The following ACER3 variants were observed in gnomAD, a reference collection of about 807,000 sequenced individuals.
The protein encoded by ACER3 is alkCDase 3.
Under a neutral mutation model 48.9 loss-of-function variants are expected in ACER3, and 16 were observed. The ratio of observed to expected loss-of-function variants is 0.33; its 90% CI spans 0.22 to 0.50. The LOEUF is 0.50. Ranked by LOEUF, ACER3 falls within the 20% of genes least tolerant of loss-of-function variation. The probability of loss-of-function intolerance (pLI) is 0.98; values close to 1 mark genes in which losing one functional copy is unlikely to be tolerated. For missense variants in ACER3, 227 were observed against 326.0 expected, an observed-to-expected ratio of 0.70 and a Z score of 2.34; for synonymous variants, 109 against 107.8, an observed-to-expected ratio of 1.01 and a Z score of -0.07.
intron 5 of ACER3, among the ~76,000 whole-genome samples, chr11:76,989,980 G>T (rs1948765100): frequency 6.6e-6 from 1 of 152,222 alleles, no homozygotes; most frequent in Non-Finnish European, 1.5e-5. Context: ...GAAAGCATAA[G>T]AAATTTGTTT....
Position 77,000,094 on chromosome 11 carries a change from G to T in ACER3, c.497+1273G>T, listed in dbSNP as rs187281571. Among the ~76,000 whole-genome samples the T allele has an allele frequency of 2.6e-5, 4 of 152,238 alleles. No homozygotes were observed. In the East Asian group the frequency reaches 7.7e-4, roughly 29 times the overall value. On this transcript the variant is annotated intron_variant, in intron 7 of 10. Transcript: ENST00000532485. ...CCACCAGCAATATATGTGTGATCCAGTTTCTTTGCATCCTCACCAGAATTT... is the reference window on the plus strand; with the variant it reads ...CCACCAGCAATATATGTGTGATCCATTTTCTTTGCATCCTCACCAGAATTT...
At chr11:76,875,186 T>G (rs1480219597) in intron 1 of ACER3, among the ~76,000 whole-genome samples, 2 of 148,194 alleles carry the variant, frequency 1.3e-5, no homozygotes, top group Non-Finnish European at 3.0e-5. Flanking sequence ...AGATCTTGGC[T>G]CAGTGCAACC....
At chr11:76,976,477 A>G (rs767160849) in intron 4 of ACER3, 136 bp downstream of exon 4, 19 of 544,874 alleles carry the variant, frequency 3.5e-5, no homozygotes, top group Non-Finnish European at 5.3e-5. Flanking sequence ...TATGATATCA[A>G]TATAGAGTAT....
chr11:76,891,606 G>A (rs1590889064), intron 1 of ACER3, among the ~76,000 whole-genome samples: 2 of 152,190 alleles, frequency 1.3e-5, no homozygotes, highest in East Asian at 3.8e-4. Flanking sequence ...TGGTCAGACA[G>A]TCTAAAGGTC....
At chr11:76,862,995 G>A (rs531434345) in intron 1 of ACER3, among the ~76,000 whole-genome samples, 1 of 152,302 alleles carries the variant, frequency 6.6e-6, no homozygotes, top group East Asian at 1.9e-4. Flanking sequence ...GGAGGCCAAG[G>A]CAGGAGGACT....
At chr11:77,008,230 A>C (rs1949193986) in intron 7 of ACER3, among the ~76,000 whole-genome samples, 1 of 152,202 alleles carries the variant, frequency 6.6e-6, no homozygotes, top group African/African-American at 2.4e-5. Flanking sequence ...AGTGGAACGA[A>C]TATGAAAAAG....
chr11:76,957,174 T>C (rs1279721634), intron 2 of ACER3, among the ~76,000 whole-genome samples: 1 of 152,216 alleles, frequency 6.6e-6, no homozygotes, highest in African/African-American at 2.4e-5. Flanking sequence ...AGACTATATG[T>C]TTCATTAAGG....
At chr11:76,905,226 T>A (rs1946195029) in intron 1 of ACER3, among the ~76,000 whole-genome samples, 1 of 152,158 alleles carries the variant, frequency 6.6e-6, no homozygotes, top group African/African-American at 2.4e-5. Flanking sequence ...AAGTATGATT[T>A]AGAAGATTTT....
At chr11:76,921,891 A>G (rs189552874) in intron 1 of ACER3, among the ~76,000 whole-genome samples, 50 of 152,162 alleles carry the variant, frequency 3.3e-4, no homozygotes, top group African/African-American at 1.1e-3. Flanking sequence ...TCCATTCCTT[A>G]TATGTTGTGT....
At chr11:76,878,456 A>C (rs1310006059) in intron 1 of ACER3, among the ~76,000 whole-genome samples, 3 of 152,084 alleles carry the variant, frequency 2.0e-5, no homozygotes, top group Non-Finnish European at 4.4e-5. Flanking sequence ...AATCTTTATT[A>C]ATCCATTTAA....
At chr11:76,892,488 C>T (rs1945830228) in intron 1 of ACER3, among the ~76,000 whole-genome samples, 1 of 152,156 alleles carries the variant, frequency 6.6e-6, no homozygotes, top group African/African-American at 2.4e-5. Context: ...AGAGAAACCT[C>T]TGTTTGCTGC....
chr11:76,976,685 G>A (rs1948452529), intron 4 of ACER3, among the ~76,000 whole-genome samples: 1 of 152,146 alleles, frequency 6.6e-6, no homozygotes, highest in Non-Finnish European at 1.5e-5. Flanking sequence ...CTACAATATA[G>A]TTTAACAAGA....
intron 5 of ACER3, 37 bp downstream of exon 5, chr11:76,985,761 A>G: frequency 5.6e-6 from 7 of 1,243,284 alleles, no homozygotes; most frequent in Non-Finnish European, 7.8e-6. Context: ...TTAAGCATGT[A>G]AATTCACCAT....
intron 1 of ACER3, among the ~76,000 whole-genome samples, chr11:76,907,021 G>A (rs1051778457): frequency 7.9e-5 from 12 of 152,006 alleles, no homozygotes; most frequent in Middle Eastern, 3.4e-3. Context: ...AAAGCGTCAC[G>A]TTGTATAGCA....
chr11:76,929,141 C>T (rs1946921119), intron 2 of ACER3, among the ~76,000 whole-genome samples: 1 of 152,058 alleles, frequency 6.6e-6, no homozygotes, highest in Non-Finnish European at 1.5e-5. Context: ...TTTCGTTGAG[C>T]AGTGGTTTGT....
At chr11:76,924,989 A>AAAAC (rs1946787174) in intron 1 of ACER3, among the ~76,000 whole-genome samples, 1 of 147,736 alleles carries the variant, frequency 6.8e-6, no homozygotes, top group South Asian at 2.1e-4. Context: ...AAAAAAAAAA[A>AAAAC]AAAACACCAA....
chr11:76,862,080 A>G (rs1944954935), intron 1 of ACER3, among the ~76,000 whole-genome samples: 1 of 152,212 alleles, frequency 6.6e-6, no homozygotes, highest in East Asian at 1.9e-4. Flanking sequence ...CTTCTGGCAA[A>G]GTGCAAAGAC....
intron 1 of ACER3, among the ~76,000 whole-genome samples, chr11:76,861,910 A>T (rs1944950205): frequency 6.6e-6 from 1 of 152,148 alleles, no homozygotes; most frequent in Non-Finnish European, 1.5e-5. Context: ...TCTGTCAGGC[A>T]CTGCTGGTCA....
At chr11:76,938,727 G>A (rs992831095) in intron 2 of ACER3, among the ~76,000 whole-genome samples, 2 of 152,180 alleles carry the variant, frequency 1.3e-5, no homozygotes, top group South Asian at 4.2e-4. Context: ...GTACTGGATT[G>A]GAGTTAGAGG....
Sources: gnomAD v4.1 joint callset for allele counts (sites outside exome capture counted in the v4.1 genomes callset) on GRCh38, gnomAD v4.1.1 for gene constraint, MANE v1.5 for transcripts, NCBI Gene and HGNC (gene_info 2026-07-23, HGNC 2026-07-21) for gene names.